Variants in LARP1 observed in about 807,000 individuals in gnomAD.
LARP1 encodes La ribonucleoprotein 1, translational regulator.
LARP1 carries 36 observed loss-of-function variants against 122.7 expected under a neutral mutation model. The ratio of observed to expected loss-of-function variants is 0.29; its 90% CI spans 0.22 to 0.39. The LOEUF (loss-of-function observed/expected upper bound fraction) is 0.39. Among genes scored for constraint, LARP1 ranks in the 10% least tolerant of loss-of-function variants. LARP1 has a pLI of 1.00. For missense variants in LARP1, 1,040 were observed against 1,403.6 expected, an observed-to-expected ratio of 0.74 and a Z score of 4.14; for synonymous variants, 539 against 528.7, an observed-to-expected ratio of 1.02 and a Z score of -0.27.
chr5:154,694,468 C>T (rs1354614262), intron 1 of LARP1, among the ~76,000 whole-genome samples: 1 of 151,914 alleles, frequency 6.6e-6, no homozygotes, highest in Non-Finnish European at 1.5e-5. Context: ...CTACATTGCC[C>T]AGGCTGGCCT....
intron 1 of LARP1, among the ~76,000 whole-genome samples, chr5:154,783,495 G>C (rs1309724113): frequency 6.6e-6 from 1 of 152,138 alleles, no homozygotes; most frequent in East Asian, 1.9e-4. Flanking sequence ...CTGTCCTGTT[G>C]GCTACAATAA....
intron 16 of LARP1, 66 bp from the exon 17 acceptor site, chr5:154,811,181 T>G (rs753232822): frequency 1.7e-6 from 2 of 1,157,940 alleles, no homozygotes; most frequent in African/African-American, 3.0e-5. Flanking sequence ...TCCTCTGTTA[T>G]GCAGGCACAT....
rs182026611 is a variant in LARP1, at chr5:154,693,161, G to A, written c.-180+10124G>A. On this transcript the variant is annotated intron_variant, in intron 1 of 18. Transcript: ENST00000687700. ...TCTTTGTTTCATTTTGTTTTGAGAC[G>A]GGGTCTCACTCTGTTGCCCAGGCTG... Among the ~76,000 whole-genome samples, 194 of 151,444 alleles carry A rather than the reference G, an allele frequency of 1.3e-3. 1 individual carries two copies. The highest frequency in any genetic ancestry group is 1.0e-2 in the Admixed American group (152 of 15,216).
At chr5:154,783,066 CTT>C (rs774571309) in intron 1 of LARP1, among the ~76,000 whole-genome samples, 1 of 152,200 alleles carries the variant, frequency 6.6e-6, no homozygotes, top group Non-Finnish European at 1.5e-5. Flanking sequence ...CCCAGGCACT[CTT>C]TCCTGCCTGC....
chr5:154,750,022 TCAGGAGGCTGCC>T (rs1484305793), intron 1 of LARP1, among the ~76,000 whole-genome samples: 1 of 152,196 alleles, frequency 6.6e-6, no homozygotes, highest in Non-Finnish European at 1.5e-5. Context: ...GATGGAAGGC[TCAGGAGGCTGCC>T]CAAAGTCATT....
At chr5:154,812,403 G>T (rs1445281570) in intron 18 of LARP1, among the ~76,000 whole-genome samples, 1 of 152,008 alleles carries the variant, frequency 6.6e-6, no homozygotes, top group Non-Finnish European at 1.5e-5. Context: ...TGCATGGCCA[G>T]GGAGGCCTCA....
At chr5:154,732,733 T>G (rs1156930598) in intron 1 of LARP1, among the ~76,000 whole-genome samples, 1 of 152,202 alleles carries the variant, frequency 6.6e-6, no homozygotes. Flanking sequence ...AATTATCTTT[T>G]AAAACAATAG....
chr5:154,795,538 A>G (rs778365874), intron 8 of LARP1, among the ~76,000 whole-genome samples: 12 of 152,224 alleles, frequency 7.9e-5, no homozygotes, highest in Admixed American at 1.3e-4. Context: ...GTAGAGTAGT[A>G]TAATGAGCCC....
chr5:154,717,710 T>C (rs1481489567), intron 1 of LARP1, among the ~76,000 whole-genome samples: 1 of 152,212 alleles, frequency 6.6e-6, no homozygotes. Context: ...TCAAAAAGTC[T>C]GACTTCCACG....
chr5:154,741,366 A>G (rs775233822), intron 1 of LARP1, among the ~76,000 whole-genome samples: 29 of 152,204 alleles, frequency 1.9e-4, no homozygotes, highest in Admixed American at 3.3e-4. Context: ...GAGGGATACT[A>G]AAGGTGAATA....
At chr5:154,808,722 C>G in intron 16 of LARP1, 119 bp downstream of exon 16, 3 of 1,032,810 alleles carry the variant, frequency 2.9e-6, no homozygotes, top group South Asian at 1.8e-5. Flanking sequence ...CATTCATATA[C>G]TTGATGAAAA....
chr5:154,686,564 G>A (rs568137696), intron 1 of LARP1, among the ~76,000 whole-genome samples: 41 of 152,108 alleles, frequency 2.7e-4, no homozygotes, highest in Non-Finnish European at 4.4e-4. Context: ...TTGAAAAATC[G>A]AAAGGTCCCA....
chr5:154,811,490 C>T lies in LARP1; in HGVS notation c.2954-23C>T, dbSNP rs1361757720. 1.2e-5 allele frequency: 20 copies of T among 1,614,184 alleles called. No individual in the cohort carries two copies. In the South Asian group the frequency reaches 2.2e-4, roughly 18 times the overall value. ...AGCTTCTTTATCCTCACCAGCTCAG[C>T]TTTTCTGTACCTCTCCCTACAGGCC... On this transcript the variant is annotated intron_variant, in intron 17 of 18. Transcript: ENST00000518297.
chr5:154,775,799 T>C (rs956076690), intron 1 of LARP1, among the ~76,000 whole-genome samples: 2 of 152,096 alleles, frequency 1.3e-5, no homozygotes, highest in Non-Finnish European at 2.9e-5. Flanking sequence ...GGGTTTGGGG[T>C]AGCCTGGGAT....
chr5:154,683,594 CTTCCTTTG>C (rs1753791228), intron 1 of LARP1, among the ~76,000 whole-genome samples: 3 of 152,178 alleles, frequency 2.0e-5, no homozygotes, highest in Non-Finnish European at 4.4e-5. Flanking sequence ...GGCCACTGAA[CTTCCTTTG>C]TGTTTCCTGC....
intron 1 of LARP1, among the ~76,000 whole-genome samples, chr5:154,746,039 C>G (rs1457275107): frequency 6.6e-6 from 1 of 152,224 alleles, no homozygotes. Flanking sequence ...ACCTCGTGAT[C>G]TACCCGCCTT....
chr5:154,704,049 G>A (rs940792282), intron 1 of LARP1, among the ~76,000 whole-genome samples: 4 of 152,190 alleles, frequency 2.6e-5, no homozygotes, highest in Non-Finnish European at 4.4e-5. Context: ...TACCCCCAGG[G>A]AGCTGGTGGT....
In LARP1 at chr5:154,755,694, C is replaced by T; in HGVS notation, c.-64C>T. 4.0e-6 allele frequency: 4 copies of T among 987,968 alleles called. No homozygotes were observed. Among genetic ancestry groups the T allele is most frequent in the Non-Finnish European group, 4.8e-6 (4 of 830,444 alleles). 61.2% of individuals were successfully genotyped at this position (987,968 alleles called of 1,614,324 possible). ...AAGGCGTCGCGGGCGCTCTGCTAGC[C>T]AAGTTCGAGGCGGGGGAGGCAGCCT... On this transcript the variant is annotated 5_prime_UTR_variant, in exon 1 of 19. Coordinates refer to ENST00000518297, the MANE Select transcript of LARP1 (RefSeq NM_033551.3).
chr5:154,798,720 C>T (rs868060019), intron 8 of LARP1, among the ~76,000 whole-genome samples: 1 of 152,186 alleles, frequency 6.6e-6, no homozygotes, highest in African/African-American at 2.4e-5. Context: ...TCTTGAACTC[C>T]TTTGCTCAAG....
Sources: gnomAD v4.1 joint callset for allele counts (sites outside exome capture counted in the v4.1 genomes callset) on GRCh38, gnomAD v4.1.1 for gene constraint, MANE v1.5 for transcripts, NCBI Gene and HGNC (gene_info 2026-07-23, HGNC 2026-07-21) for gene names.